The following MIS18BP1 variants were observed in gnomAD, a reference collection of about 807,000 sequenced individuals.
The protein encoded by MIS18BP1 is mis18-binding protein 1.
In MIS18BP1, 72 loss-of-function variants were observed where a neutral mutation model predicts 116.1. The observed-to-expected ratio is 0.62, with a 90% CI of 0.51 to 0.75. The LOEUF is 0.75. Among genes scored for constraint, MIS18BP1 ranks in the 30% least tolerant of loss-of-function variants. MIS18BP1 has a pLI of 0.00. For synonymous variants in MIS18BP1, 386 were observed against 427.0 expected, an observed-to-expected ratio of 0.90 and a Z score of 1.18; for missense variants, 1,363 against 1,303.2, an observed-to-expected ratio of 1.05 and a Z score of -0.71.
chr14:45,220,908 G>C (rs182031686), intron 11 of MIS18BP1, among the ~76,000 whole-genome samples: 19 of 152,294 alleles, frequency 1.2e-4, no homozygotes, highest in African/African-American at 4.3e-4. Flanking sequence ...GCCAAGGCAG[G>C]TGAATCACTT....
Position 45,237,150 on chromosome 14 carries a change from G to C in MIS18BP1, c.1217+498C>G, listed in dbSNP as rs147630678. ...AGGAAATGGTGCTAATAGAGTAGCA[G>C]AATTAGGTAAAGCCCACTTACCTGG... is the stretch of plus-strand genomic sequence containing the variant. On this transcript the variant is annotated intron_variant, in intron 5 of 16. Coordinates refer to ENST00000310806, the MANE Select transcript of MIS18BP1 (RefSeq NM_018353.5). 7.6e-4 allele frequency among the ~76,000 whole-genome samples: 115 copies of C among 152,002 alleles called. No homozygotes were observed. The East Asian group carries it at 0.021, about 27-fold the overall frequency.
rs746153857 is a variant in MIS18BP1, at chr14:45,246,760, T to G, written c.527A>C (p.Asp176Ala). Residue 176 changes from aspartate to alanine, a missense_variant, in exon 2 of 17, where the codon GAT becomes GCT. Transcript: ENST00000310806. ...EKENNKSFQSDDSSLRASVQG... is the reference protein window; with the variant it reads ...EKENNKSFQSADSSLRASVQG... Reference sequence around the variant, plus strand: ...AAACTAACCTCTTAGTGAACTGTCATCTGACTGGAATGATTTGTTGTTTTC... The same window carrying G: ...AAACTAACCTCTTAGTGAACTGTCAGCTGACTGGAATGATTTGTTGTTTTC... 1.3e-6 allele frequency: 2 copies of G among 1,568,876 alleles called. No homozygotes were observed. Among genetic ancestry groups the G allele is most frequent in the Admixed American group, 2.1e-5 (1 of 47,782 alleles).
At chr14:45,236,081 T>C (rs1891422428) in intron 5 of MIS18BP1, 137 bp from the exon 6 acceptor site, 2 of 799,200 alleles carry the variant, frequency 2.5e-6, no homozygotes, top group Non-Finnish European at 3.9e-6. Flanking sequence ...GGCCAAACAT[T>C]ACAGCAGAAC....
intron 4 of MIS18BP1, among the ~76,000 whole-genome samples, chr14:45,238,246 T>C (rs1019509026): frequency 1.3e-5 from 2 of 152,148 alleles, no homozygotes; most frequent in African/African-American, 4.8e-5. Flanking sequence ...GAGAACTCTT[T>C]ATTATCTTAC....
intron 2 of MIS18BP1, among the ~76,000 whole-genome samples, chr14:45,244,394 C>G (rs1891672014): frequency 6.6e-6 from 1 of 152,140 alleles, no homozygotes; most frequent in African/African-American, 2.4e-5. Context: ...TCTCTCAAAT[C>G]CAGTGACTAT....
chr14:45,216,940 G>A lies in MIS18BP1; in HGVS notation c.3003+79C>T. ...ACTGATCCTTGGCCTAAATATTAGT[G>A]ATGAACACTACCATACATAAAAATG... is the stretch of plus-strand genomic sequence containing the variant. On this transcript the variant is annotated intron_variant, in intron 13 of 16. Transcript: ENST00000310806. The A allele has an allele frequency of 2.1e-6, 3 of 1,455,230 alleles. 1 individual carries two copies. In the South Asian group the frequency reaches 3.9e-5, roughly 19 times the overall value. The allele number at this position is 1,455,230 out of a possible 1,614,324, so 90.1% of individuals were successfully genotyped here.
At chr14:45,208,217 G>A (rs1203840962) in intron 14 of MIS18BP1, among the ~76,000 whole-genome samples, 1 of 151,196 alleles carries the variant, frequency 6.6e-6, no homozygotes, top group African/African-American at 2.4e-5. Context: ...ATTTTTGGAT[G>A]TTTTGGTCAT....
chr14:45,237,822 C>T lies in MIS18BP1; in HGVS notation c.1144-101G>A, dbSNP rs981587461. 7.0e-6 allele frequency: 10 copies of T among 1,422,894 alleles called. No homozygotes were observed. In the African/African-American group the frequency reaches 1.5e-4, roughly 21 times the overall value. 88.1% of individuals were successfully genotyped at this position (1,422,894 alleles called of 1,614,324 possible). On this transcript the variant is annotated intron_variant, in intron 4 of 16. Coordinates refer to ENST00000310806, the MANE Select transcript of MIS18BP1 (RefSeq NM_018353.5). ...AAAGAAAAAACTTGTCTAAGTAATC[C>T]AAATATTCCTTAGTGTCATCGATGT...
chr14:45,216,540 T>G (rs950484896), intron 13 of MIS18BP1, among the ~76,000 whole-genome samples: 1 of 152,220 alleles, frequency 6.6e-6, no homozygotes, highest in Non-Finnish European at 1.5e-5. Flanking sequence ...AATGAGTTGT[T>G]CATATCACAG....
At chr14:45,252,936 T>A (rs1284759612) in intron 1 of MIS18BP1, 99 bp downstream of exon 1, 4 of 151,864 alleles carry the variant, frequency 2.6e-5, no homozygotes, top group Non-Finnish European at 4.4e-5. Flanking sequence ...ACAAAAAAAA[T>A]AAATAAAACC....
At chr14:45,209,544 C>T (rs1462995218) in intron 14 of MIS18BP1, among the ~76,000 whole-genome samples, 1 of 152,088 alleles carries the variant, frequency 6.6e-6, no homozygotes, top group African/African-American at 2.4e-5. Flanking sequence ...GTTGCCCATG[C>T]TGGTCTTGAA....
rs1306236595 is a variant in MIS18BP1 at position 45,232,725 on chromosome 14, C to T, written c.1436+8G>A. The T allele has an allele frequency of 7.2e-7, 1 of 1,386,272 alleles. No homozygotes were observed. The highest frequency in any genetic ancestry group is 1.5e-5 in the African/African-American group (1 of 68,774). The allele number at this position is 1,386,272 out of a possible 1,614,324, so 85.9% of individuals were successfully genotyped here. A position where few individuals can be genotyped will look rare whatever the true frequency, so the allele number is the denominator to read the frequency against. ...GTTGACTTCTAAAAACATAAAACAA[C>T]ATTTTACCTTAATTGTTCCAGAAAA... On this transcript the variant is annotated splice_region_variant and intron_variant, in intron 7 of 16. Coordinates refer to ENST00000310806, the MANE Select transcript of MIS18BP1 (RefSeq NM_018353.5).
In MIS18BP1 at chr14:45,217,282, A is replaced by T. The variant is rs146281289; in HGVS notation, c.2843-103T>A. Reference sequence around the variant, plus strand: ...AAGTCTAAATTGTGCATTCATGTTAAAAAAAAACCAAAAAACTCAGCCTTG... The same window carrying T: ...AAGTCTAAATTGTGCATTCATGTTATAAAAAAACCAAAAAACTCAGCCTTG... On this transcript the variant is annotated intron_variant, in intron 12 of 16. Coordinates refer to ENST00000310806, the MANE Select transcript of MIS18BP1 (RefSeq NM_018353.5). 6.1e-4 allele frequency: 816 copies of T among 1,339,268 alleles called. 12 individuals carry two copies. The East Asian group carries it at 0.017, about 28-fold the overall frequency. 83.0% of individuals were successfully genotyped at this position (1,339,268 alleles called of 1,614,324 possible).
At chr14:45,223,537 T>C (rs139730575) in intron 11 of MIS18BP1, among the ~76,000 whole-genome samples, 98 of 152,216 alleles carry the variant, frequency 6.4e-4, no homozygotes, top group African/African-American at 2.2e-3. Flanking sequence ...GATTGTGGCA[T>C]TGCACTCCAG....
Position 45,224,440 on chromosome 14 carries a change from T to C in MIS18BP1, c.2147A>G (p.Glu716Gly). The C allele has an allele frequency of 6.2e-7, 1 of 1,614,012 alleles. No individual in the cohort carries two copies. The highest frequency in any genetic ancestry group is 8.5e-7 in the Non-Finnish European group (1 of 1,179,996). ...CCGGTTGACAGTAAGTAAGTCACGTTCATCGCAATCTTCCTTGTTTTTACT... is the reference window on the plus strand; with the variant it reads ...CCGGTTGACAGTAAGTAAGTCACGTCCATCGCAATCTTCCTTGTTTTTACT... ...HKSKNKEDCD[E>G]RDLLTVNRKI... is the part of the protein sequence containing the mutation. Residue 716 changes from glutamate to glycine, a missense_variant, in exon 11 of 17, where the codon GAA (glutamate) becomes GGA (glycine). Glu to Gly is a moderately conservative substitution (Grantham distance 98). Transcript: ENST00000310806.
At position 45,218,454 on chromosome 14, in the gene MIS18BP1, A is replaced by G; in HGVS notation, c.2670T>C (p.Cys890=). The change falls in exon 12 of 17, where the codon TGT becomes TGC. Residue 890 remains cysteine, a splice_region_variant and synonymous_variant. Transcript: ENST00000310806. ...WNEKELQKLH[C]AFASLPKHKP... is the part of the protein sequence containing the mutation. ...TGTGCTTTGGAAGAGATGCAAAAGC[A>G]CTATGGAAGATCAAAACCAATTAAA... The G allele has an allele frequency of 1.9e-6, 3 of 1,591,156 alleles. No homozygotes were observed. In the South Asian group the frequency reaches 3.5e-5, roughly 18 times the overall value.
At chr14:45,226,857 T>C in intron 9 of MIS18BP1, 21 bp from the exon 10 acceptor site, 2 of 1,325,320 alleles carry the variant, frequency 1.5e-6, no homozygotes, top group Non-Finnish European at 2.0e-6. Context: ...AAAAGATACC[T>C]AGGTTTTATT....
chr14:45,236,371 G>A (rs1233170795), intron 5 of MIS18BP1, among the ~76,000 whole-genome samples: 1 of 152,140 alleles, frequency 6.6e-6, no homozygotes, highest in Non-Finnish European at 1.5e-5. Context: ...TGGCTATACA[G>A]CCAAATGTTT....
At chr14:45,215,862 G>A (rs1294685866) in intron 13 of MIS18BP1, among the ~76,000 whole-genome samples, 1 of 151,566 alleles carries the variant, frequency 6.6e-6, no homozygotes, top group Non-Finnish European at 1.5e-5. Context: ...CCGCCACCAT[G>A]CCTAGCTAAT....
Sources: gnomAD v4.1 joint callset for allele counts (sites outside exome capture counted in the v4.1 genomes callset) on GRCh38, gnomAD v4.1.1 for gene constraint, MANE v1.5 for transcripts, NCBI Gene and HGNC (gene_info 2026-07-23, HGNC 2026-07-21) for gene names.